Variants in IQUB observed in about 807,000 individuals in gnomAD.
The protein encoded by IQUB is IQ motif and ubiquitin-like domain-containing protein.
A neutral mutation model predicts 86.4 loss-of-function variants in IQUB; 86 were observed. The ratio of observed to expected loss-of-function variants is 1.00; its 90% confidence interval spans 0.84 to 1.19. The LOEUF (loss-of-function observed/expected upper bound fraction) is 1.19. Ranked by LOEUF, IQUB falls within the 50% of genes most tolerant of loss-of-function variation. The probability of loss-of-function intolerance (pLI) is 0.00; values close to 1 mark genes in which losing one functional copy is unlikely to be tolerated. For missense variants in IQUB, 946 were observed against 916.9 expected, an observed-to-expected ratio of 1.03 and a Z score of -0.41; for synonymous variants, 289 against 304.5, an observed-to-expected ratio of 0.95 and a Z score of 0.53.
chr7:123,464,990 G>T lies in IQUB; in HGVS notation c.1601C>A (p.Thr534Asn), dbSNP rs779817270. 1 of 1,589,062 alleles carries T rather than the reference G, an allele frequency of 6.3e-7. No individual in the cohort carries two copies. Among genetic ancestry groups the T allele is most frequent in the East Asian group, 2.3e-5 (1 of 43,780 alleles). ...HTVKEHECKL[T>N]QEILELIDRE... ...GTCAATCAATTCTAGAATTTCCTGA[G>T]TTAGTTTACATTCATGTTCCTATAT... Residue 534 changes from threonine (T) to asparagine (N), a missense_variant, in exon 10 of 13, where the codon ACT becomes AAT. By Grantham distance (65) the Thr-to-Asn change is moderately conservative (BLOSUM62 0). Transcript: ENST00000324698.
rs545075659 is a variant in IQUB at position 123,512,430 on chromosome 7, T to A, written c.-4-86A>T. The A allele has an allele frequency of 7.3e-5, 51 of 695,828 alleles. No homozygotes were observed. In the South Asian group the frequency reaches 1.7e-3, roughly 23 times the overall value. 43.1% of individuals were successfully genotyped at this position (695,828 alleles called of 1,614,324 possible). On this transcript the variant is annotated intron_variant, in intron 1 of 12. Transcript: ENST00000324698. ...ATTCATTGCTAGTATAGAGTAACAT[T>A]CATAATATTCAACTAAAATGTTGCT...
chr7:123,461,638 C>T, intron 10 of IQUB, 33 bp from the exon 11 acceptor site: 1 of 1,507,312 alleles, frequency 6.6e-7, no homozygotes, highest in Non-Finnish European at 8.9e-7. Context: ...AAAAAAAGGT[C>T]TAAAAAGCCA....
chr7:123,481,907 T>C (rs1795024461), intron 7 of IQUB, among the ~76,000 whole-genome samples: 1 of 152,038 alleles, frequency 6.6e-6, no homozygotes, highest in Non-Finnish European at 1.5e-5. Context: ...ATGAAATGAT[T>C]ATACAGATAT....
chr7:123,525,172 T>A (rs1383970440), intron 1 of IQUB, among the ~76,000 whole-genome samples: 2 of 152,188 alleles, frequency 1.3e-5, no homozygotes, highest in African/African-American at 4.8e-5. Context: ...CTTTTTTGGT[T>A]GTGTCTCTGC....
intron 7 of IQUB, among the ~76,000 whole-genome samples, chr7:123,491,695 C>A (rs1795473338): frequency 6.6e-6 from 1 of 152,120 alleles, no homozygotes; most frequent in Non-Finnish European, 1.5e-5. Flanking sequence ...ATAGTTTAAA[C>A]CTTCCCACAA....
chr7:123,533,202 A>G (rs1227754160), intron 1 of IQUB, among the ~76,000 whole-genome samples: 1 of 152,210 alleles, frequency 6.6e-6, no homozygotes, highest in African/African-American at 2.4e-5. Context: ...CTAGTTTTTT[A>G]CTATTAAAAA....
intron 9 of IQUB, among the ~76,000 whole-genome samples, chr7:123,468,347 G>A (rs955574814): frequency 2.0e-5 from 3 of 152,088 alleles, no homozygotes; most frequent in African/African-American, 7.2e-5. Flanking sequence ...CTTGCTTTGG[G>A]GCCTATCTAA....
intron 9 of IQUB, among the ~76,000 whole-genome samples, chr7:123,466,151 T>C (rs1390266809): frequency 6.6e-6 from 1 of 152,096 alleles, no homozygotes; most frequent in African/African-American, 2.4e-5. Flanking sequence ...ACAAAACTGA[T>C]TTTCATAAAT....
chr7:123,501,611 T>G (rs1795948509), intron 6 of IQUB: 1 of 152,222 alleles, frequency 6.6e-6, no homozygotes, highest in Non-Finnish European at 1.5e-5. Flanking sequence ...CACGTCACTT[T>G]GACAGAGAGA....
chr7:123,471,724 C>G (rs780635589), intron 8 of IQUB, among the ~76,000 whole-genome samples: 1 of 152,142 alleles, frequency 6.6e-6, no homozygotes, highest in Non-Finnish European at 1.5e-5. Context: ...TTCCACCTTT[C>G]CATTTTGAAC....
chr7:123,464,986 C>A lies in IQUB; in HGVS notation c.1605G>T (p.Gln535His). 6.3e-7 allele frequency: 1 copy of A among 1,591,324 alleles called. No individual in the cohort carries two copies. The highest frequency in any genetic ancestry group is 2.3e-5 in the East Asian group (1 of 43,826). ...TVKEHECKLT[Q>H]EILELIDREV... ...CTCTGTCAATCAATTCTAGAATTTC[C>A]TGAGTTAGTTTACATTCATGTTCCT... The change falls in exon 10 of 13, where the codon CAG becomes CAT. Residue 535 changes from glutamine to histidine, a missense_variant. Physicochemically the swap from Gln to His is conservative, Grantham distance 24. Coordinates refer to ENST00000324698, the MANE Select transcript of IQUB (RefSeq NM_178827.5).
chr7:123,507,870 C>CA (rs36049359), intron 3 of IQUB, among the ~76,000 whole-genome samples: 39,856 of 131,922 alleles, frequency 0.3, 5,644 homozygotes, highest in Middle Eastern at 0.41. Context: ...GACTCCATCT[C>CA]AAAAAAAAAA....
intron 1 of IQUB, among the ~76,000 whole-genome samples, chr7:123,527,032 T>G (rs1797252635): frequency 6.6e-6 from 1 of 152,144 alleles, no homozygotes; most frequent in East Asian, 1.9e-4. Flanking sequence ...GGCCTCCACT[T>G]TCTTCTGGCT....
chr7:123,482,883 T>C (rs946490191), intron 7 of IQUB, among the ~76,000 whole-genome samples: 1 of 152,100 alleles, frequency 6.6e-6, no homozygotes, highest in African/African-American at 2.4e-5. Context: ...CAAACTCACT[T>C]AAGCCATGTT....
intron 1 of IQUB, among the ~76,000 whole-genome samples, chr7:123,525,829 G>A (rs920784568): frequency 1.4e-4 from 21 of 150,874 alleles, no homozygotes; most frequent in African/African-American, 4.6e-4. Flanking sequence ...GCTTTCTCTT[G>A]TGGGCATTTA....
chr7:123,517,136 C>T (rs992084231), intron 1 of IQUB, among the ~76,000 whole-genome samples: 3 of 152,162 alleles, frequency 2.0e-5, no homozygotes, highest in African/African-American at 7.2e-5. Context: ...AAACTCCAAT[C>T]CTTTATAATG....
chr7:123,493,607 A>C (rs932824852), intron 7 of IQUB, among the ~76,000 whole-genome samples: 1 of 152,122 alleles, frequency 6.6e-6, no homozygotes, highest in African/African-American at 2.4e-5. Context: ...ACTCTTTCAT[A>C]GGAGTTTAAA....
At chr7:123,469,846 G>T (rs1347990117) in intron 8 of IQUB, among the ~76,000 whole-genome samples, 1 of 152,158 alleles carries the variant, frequency 6.6e-6, no homozygotes, top group Non-Finnish European at 1.5e-5. Context: ...GTGAGTTATG[G>T]TTTAATGTCC....
chr7:123,515,106 A>G (rs1269462613), intron 1 of IQUB, among the ~76,000 whole-genome samples: 1 of 152,168 alleles, frequency 6.6e-6, no homozygotes. Context: ...AAAACAAAAA[A>G]CAAACAAACA....
Sources: allele counts gnomAD v4.1 joint callset (sites outside exome capture counted in the v4.1 genomes callset), GRCh38; gene constraint gnomAD v4.1.1; transcripts MANE v1.5; gene names NCBI Gene and HGNC (gene_info 2026-07-23, HGNC 2026-07-21).